STARD9: variants seen among roughly 807,000 people sequenced by gnomAD.
STARD9 encodes the protein stAR-related lipid transfer protein 9.
A neutral mutation model predicts 399.8 loss-of-function variants in STARD9; 346 were observed. The ratio of observed to expected loss-of-function variants is 0.87; its 90% CI spans 0.79 to 0.95. The LOEUF (loss-of-function observed/expected upper bound fraction) is 0.95. Among genes scored for constraint, STARD9 ranks in the 40% least tolerant of loss-of-function variants. The probability of loss-of-function intolerance (pLI) is 0.00; values close to 1 mark genes in which losing one functional copy is unlikely to be tolerated. For synonymous variants in STARD9, 2,203 were observed against 2,143.5 expected (o/e 1.03, Z -0.77); for missense variants, 5,832 against 5,667.5 (o/e 1.03, Z -0.93).
At chr15:42,661,084 T>G (rs2140090586) in intron 9 of STARD9, 74 bp from the exon 10 acceptor site, 2 of 1,112,994 alleles carry the variant, frequency 1.8e-6, no homozygotes, top group Non-Finnish European at 2.6e-6. Context: ...AATATCACCT[T>G]GGTTAGAAGA....
intron 3 of STARD9, among the ~76,000 whole-genome samples, chr15:42,619,124 C>G (rs1011485360): frequency 1.3e-5 from 2 of 151,770 alleles, no homozygotes; most frequent in African/African-American, 4.8e-5. Context: ...GTAAAGTTTA[C>G]TTTTTTGGTG....
chr15:42,672,885 G>A (rs940155954), intron 16 of STARD9: 1 of 152,172 alleles, frequency 6.6e-6, no homozygotes, highest in African/African-American at 2.4e-5. Context: ...ATCACCTGAG[G>A]TGAGGAGTTC....
Position 42,695,174 on chromosome 15 carries a change from C to T in STARD9, c.12997C>T (p.Pro4333Ser). The stretch of plus-strand genomic sequence containing the variant: ...GTCAGTGTCAAGGTCAGCTCACACA[C>T]CCTCTGACATAGAGTTGATGCTGCA... ...PESVSRSAHTPSDIELMLQDY... is the reference protein window; with the variant it reads ...PESVSRSAHTSSDIELMLQDY... The change falls in exon 25 of 33, where the codon CCC becomes TCC. Residue 4333 changes from proline to serine, a missense_variant. By Grantham distance (74) the Pro-to-Ser change is moderately conservative (BLOSUM62 -1). This residue lies in a region of STARD9 where 5,828 missense variants were observed against 5,651.1 expected (regional missense o/e 1.03). Coordinates refer to ENST00000290607, the MANE Select transcript of STARD9 (RefSeq NM_020759.3). The T allele has an allele frequency of 2.6e-6, 4 of 1,536,604 alleles. No individual in the cohort carries two copies. Among genetic ancestry groups the T allele is most frequent in the East Asian group, 2.4e-5 (1 of 40,898 alleles).
chr15:42,695,064 C>T (rs2060811169), intron 24 of STARD9, 76 bp from the exon 25 acceptor site: 1 of 1,243,510 alleles, frequency 8.0e-7, no homozygotes, highest in East Asian at 2.6e-5. Context: ...GTGGTATCAC[C>T]CAAGCTAGCC....
In STARD9 at chr15:42,691,459, G is replaced by T. The variant is rs1056231300; in HGVS notation, c.9881G>T (p.Gly3294Val). 4.6e-6 allele frequency: 7 copies of T among 1,537,194 alleles called. No homozygotes were observed. Among genetic ancestry groups the T allele is most frequent in the Non-Finnish European group, 6.1e-6 (7 of 1,146,882 alleles). Residue 3294 changes from glycine to valine, a missense_variant, in exon 23 of 33, where the codon GGC (glycine) becomes GTC (valine). Gly to Val is a moderately radical substitution (Grantham distance 109). This residue lies in a region of STARD9 where 5,828 missense variants were observed against 5,651.1 expected (regional missense o/e 1.03). Transcript: ENST00000290607. The stretch of plus-strand genomic sequence containing the variant: ...CAGAGGAGTGGCCACCTCTACACTG[G>T]CAGAGAGCAGCCAGCACCCAACCAC... ...AAQRSGHLYT[G>V]REQPAPNHRG...
At chr15:42,646,941 G>T (rs147151124) in intron 7 of STARD9, among the ~76,000 whole-genome samples, 1 of 152,298 alleles carries the variant, frequency 6.6e-6, no homozygotes, top group Non-Finnish European at 1.5e-5. Flanking sequence ...GGAATAGGGA[G>T]GCCTGAGTAG....
At chr15:42,677,089 TAAAAAAAAAAAAAAAAA>T (rs869040683) in intron 20 of STARD9, among the ~76,000 whole-genome samples, 4 of 53,590 alleles carry the variant, frequency 7.5e-5, no homozygotes, top group Non-Finnish European at 1.3e-4. Flanking sequence ...CGTCTCTACT[TAAAAAAAAAAAAAAAAA>T]AAAAAAAAAA....
Position 42,686,380 on chromosome 15 carries a change from G to A in STARD9, c.4802G>A (p.Arg1601Gln), listed in dbSNP as rs1380480578. 28 of 1,537,512 alleles carry A rather than the reference G, an allele frequency of 1.8e-5. No individual in the cohort carries two copies. The South Asian group carries it at 2.0e-4, about 11-fold the overall frequency. ...GACTTAGAATCATTGTCTGCTTCTC[G>A]ATCTACAAATGCACAGGTCTTTGCA... Reference protein sequence around the residue: ...SADLESLSASRSTNAQVFATE... With the variant: ...SADLESLSASQSTNAQVFATE... The change falls in exon 23 of 33, where the codon CGA becomes CAA. Residue 1601 changes from arginine (R) to glutamine (Q), a missense_variant. Around this residue, in one of 2 missense-constraint regions of STARD9, gnomAD observed 5,828 missense variants for 5,651.1 expected, o/e 1.03. Coordinates refer to ENST00000290607, the MANE Select transcript of STARD9 (RefSeq NM_020759.3).
At chr15:42,607,248 G>A (rs537072628) in intron 3 of STARD9, among the ~76,000 whole-genome samples, 46 of 123,492 alleles carry the variant, frequency 3.7e-4, no homozygotes, top group African/African-American at 1.2e-3. Context: ...TGTCACCCAG[G>A]CTGGAGTACA....
intron 3 of STARD9, among the ~76,000 whole-genome samples, chr15:42,634,528 A>G (rs754302292): frequency 5.9e-5 from 9 of 152,178 alleles, no homozygotes; most frequent in Non-Finnish European, 1.2e-4. Flanking sequence ...TTTTCTTACG[A>G]GAGATACAGA....
intron 26 of STARD9, 72 bp from the exon 27 acceptor site, chr15:42,716,605 G>A: frequency 1.1e-6 from 1 of 946,858 alleles, no homozygotes; most frequent in Non-Finnish European, 1.6e-6. Context: ...GCTGTGAGAT[G>A]CAGTTCAGAG....
intron 26 of STARD9, among the ~76,000 whole-genome samples, chr15:42,705,805 T>C (rs1164262109): frequency 6.6e-6 from 1 of 151,916 alleles, no homozygotes; most frequent in Admixed American, 6.6e-5. Context: ...CGGGCTGGAG[T>C]GCAGGGGCGT....
rs768029936 is a variant in STARD9 at position 42,665,789 on chromosome 15, A to T, written c.1258A>T (p.Asn420Tyr). The T allele has an allele frequency of 2.0e-6, 3 of 1,537,156 alleles. No individual in the cohort carries two copies. Among genetic ancestry groups the T allele is most frequent in the Middle Eastern group, 1.7e-4 (1 of 5,988 alleles). The change falls in exon 15 of 33, where the codon AAC becomes TAC. Residue 420 changes from asparagine (N) to tyrosine (Y), a missense_variant. Asn to Tyr is a moderately radical substitution (Grantham distance 143). Coordinates refer to ENST00000290607, the MANE Select transcript of STARD9 (RefSeq NM_020759.3). The part of the protein sequence containing the change: ...KALLLSFELR[N>Y]FSSLSDENLK... ...GCACATCTCTATCTTTGTGCAGAGAAACTTCAGTTCATTGAGTGATGAAAA... is the reference window on the plus strand; with the variant it reads ...GCACATCTCTATCTTTGTGCAGAGATACTTCAGTTCATTGAGTGATGAAAA...
chr15:42,709,558 G>T (rs928238659), intron 26 of STARD9, among the ~76,000 whole-genome samples: 5 of 152,156 alleles, frequency 3.3e-5, no homozygotes, highest in African/African-American at 7.2e-5. Flanking sequence ...GGTGGCACAC[G>T]CCTGTAGACC....
At chr15:42,656,208 T>C (rs2059866261) in intron 9 of STARD9, among the ~76,000 whole-genome samples, 2 of 151,262 alleles carry the variant, frequency 1.3e-5, no homozygotes, top group African/African-American at 4.9e-5. Flanking sequence ...ATAAAAAAAT[T>C]TGCTGTTGCG....
At position 42,663,345 on chromosome 15, in the gene STARD9, CAG is replaced by C; in HGVS notation, c.934_935del (p.Ser312TrpfsTer4). On this transcript the variant is annotated frameshift_variant, in exon 12 of 33. Coordinates refer to ENST00000290607, the MANE Select transcript of STARD9 (RefSeq NM_020759.3). LOFTEE classifies it high-confidence loss of function. The part of the protein sequence containing the change: ...LNSSVSNGGD[S>X]GILSSPSGTS... ...ACAGCTCAGTCAGCAATGGTGGTGA[CAG>C]TGGGATCCTTAGCTCTCCTTCTGGG... The C allele has an allele frequency of 6.5e-7, 1 of 1,537,342 alleles. No homozygotes were observed. The highest frequency in any genetic ancestry group is 8.7e-7 in the Non-Finnish European group (1 of 1,146,922).
At chr15:42,584,111 C>G (rs1237416804) in intron 2 of STARD9, among the ~76,000 whole-genome samples, 3 of 151,788 alleles carry the variant, frequency 2.0e-5, no homozygotes, top group Non-Finnish European at 2.9e-5. Flanking sequence ...TGGAGAGAGA[C>G]TGGGGAAGCT....
At chr15:42,669,731 A>G (rs2060169457) in intron 16 of STARD9, 1 of 166,748 alleles carries the variant, frequency 6.0e-6, no homozygotes, top group South Asian at 1.7e-4. Flanking sequence ...TAGTGCTCCT[A>G]AACTCTACAA....
rs1313250454 is a variant in STARD9 at position 42,717,950 on chromosome 15, T to G, written c.13560-27T>G. The G allele has an allele frequency of 5.2e-6, 8 of 1,535,728 alleles. No individual in the cohort carries two copies. In the African/African-American group the frequency reaches 1.1e-4, roughly 21 times the overall value. On this transcript the variant is annotated intron_variant, in intron 29 of 32. Transcript: ENST00000290607. ...AGAGCCCATTTTTGACCCCTTTCTA[T>G]TTTCTGTGCTTGGTGTCTCCCCCCA...
Sources: gnomAD v4.1 joint callset for allele counts (sites outside exome capture counted in the v4.1 genomes callset) on GRCh38, gnomAD v4.1.1 for gene constraint, gnomAD v4.1.1 regional missense constraint, MANE v1.5 for transcripts, NCBI Gene and HGNC (gene_info 2026-07-23, HGNC 2026-07-21) for gene names.